ARID1B: variants seen among roughly 807,000 people sequenced by gnomAD.
ARID1B encodes the protein AT-rich interaction domain 1B, also known as AT-rich interactive domain-containing protein 1B.
In ARID1B, 30 loss-of-function variants were observed where a neutral mutation model predicts 212.3. That is an observed-to-expected ratio of 0.14 (90% CI 0.11 to 0.19). ARID1B has a LOEUF of 0.19. ARID1B is among the 10% of genes least tolerant of loss of function. The pLI, the probability that ARID1B is intolerant of heterozygous loss-of-function variation, is 1.00. For synonymous variants in ARID1B, 1,402 were observed against 1,301.7 expected, an observed-to-expected ratio of 1.08 and a Z score of -1.66; for missense variants, 2,891 against 3,204.0, an observed-to-expected ratio of 0.90 and a Z score of 2.36.
chr6:157,142,735 G>A (rs556191131), intron 7 of ARID1B, among the ~76,000 whole-genome samples: 1 of 152,288 alleles, frequency 6.6e-6, no homozygotes, highest in South Asian at 2.1e-4. Context: ...TGCATATTTA[G>A]CCCTAATTCA....
At chr6:157,152,019 G>A (rs1480236411) in intron 8 of ARID1B, 1 of 152,188 alleles carries the variant, frequency 6.6e-6, no homozygotes, top group Admixed American at 6.5e-5. Flanking sequence ...AATATAGAAT[G>A]AGGTAAACAT....
intron 15 of ARID1B, among the ~76,000 whole-genome samples, chr6:157,191,025 G>A (rs926641302): frequency 6.6e-5 from 10 of 152,136 alleles, no homozygotes; most frequent in African/African-American, 1.9e-4. Flanking sequence ...AAAGCCTTTC[G>A]GTGTCTGTGG....
At chr6:157,110,670 TTA>T in intron 6 of ARID1B, 109 bp downstream of exon 6, 1 of 1,002,478 alleles carries the variant, frequency 1.0e-6, no homozygotes, top group South Asian at 1.4e-5. Flanking sequence ...TTAAAGGATA[TTA>T]TGTTTTCTTA....
chr6:157,038,975 C>T (rs1273088060), intron 4 of ARID1B, among the ~76,000 whole-genome samples: 1 of 151,820 alleles, frequency 6.6e-6, no homozygotes, highest in East Asian at 1.9e-4. Context: ...GCGATCATGG[C>T]TCATTGCAGC....
intron 5 of ARID1B, 137 bp downstream of exon 5, chr6:157,085,042 G>T: frequency 9.1e-7 from 1 of 1,101,626 alleles, no homozygotes. Flanking sequence ...TCTCACCAAG[G>T]CATACGAGAG....
intron 6 of ARID1B, among the ~76,000 whole-genome samples, chr6:157,132,199 A>G (rs1057014414): frequency 1.3e-5 from 2 of 152,206 alleles, no homozygotes; most frequent in African/African-American, 2.4e-5. Context: ...AAGAAGTACC[A>G]TGCACGATCT....
At chr6:157,058,119 A>T (rs1783083082) in intron 4 of ARID1B, among the ~76,000 whole-genome samples, 1 of 152,316 alleles carries the variant, frequency 6.6e-6, no homozygotes, top group African/African-American at 2.4e-5. Flanking sequence ...GTCCTGTCTG[A>T]TCCTGTGGTG....
chr6:156,902,023 C>A (rs1788985348), intron 3 of ARID1B: 1 of 157,864 alleles, frequency 6.3e-6, no homozygotes, highest in African/African-American at 2.4e-5. Flanking sequence ...ATATTCACTT[C>A]AGTTGCAGTA....
chr6:156,867,879 G>A (rs288549), intron 2 of ARID1B, among the ~76,000 whole-genome samples: 129,585 of 152,252 alleles, frequency 0.85, 55,331 homozygotes, highest in African/African-American at 0.93. Context: ...GGTGGAGAAA[G>A]CAAATGTTTG....
chr6:157,082,684 G>A (rs369669559), intron 4 of ARID1B, among the ~76,000 whole-genome samples: 1 of 152,252 alleles, frequency 6.6e-6, no homozygotes, highest in East Asian at 1.9e-4. Flanking sequence ...CCGAGTAGCT[G>A]GGACCACAGG....
rs1793280422 is a variant in ARID1B at position 156,947,889 on chromosome 6, T to C, written c.2247+12313T>C. On this transcript the variant is annotated intron_variant, in intron 4 of 19. Transcript: ENST00000636930. ...TGATTTCTTAACATGCATGTATTTT[T>C]ATATATTTAATTTGATTTGGATTAT... Among the ~76,000 whole-genome samples the C allele has an allele frequency of 2.0e-5, 3 of 152,216 alleles. No homozygotes were observed. The South Asian group carries it at 6.2e-4, about 31-fold the overall frequency.
intron 4 of ARID1B, among the ~76,000 whole-genome samples, chr6:157,004,820 T>C (rs1167742732): frequency 6.6e-6 from 1 of 151,814 alleles, no homozygotes; most frequent in East Asian, 1.9e-4. Flanking sequence ...AGAAAGAATT[T>C]AATTGGTTCT....
At chr6:157,029,627 G>A (rs999388245) in intron 4 of ARID1B, among the ~76,000 whole-genome samples, 1 of 152,236 alleles carries the variant, frequency 6.6e-6, no homozygotes, top group Non-Finnish European at 1.5e-5. Context: ...GGTACGACAG[G>A]ACTGGCCATG....
intron 2 of ARID1B, among the ~76,000 whole-genome samples, chr6:156,865,976 G>A (rs1785658150): frequency 6.6e-6 from 1 of 151,782 alleles, no homozygotes; most frequent in African/African-American, 2.4e-5. Context: ...TGTTTGTTTT[G>A]GTCCCTATTT....
chr6:157,020,638 G>C (rs1184275043), intron 4 of ARID1B, among the ~76,000 whole-genome samples: 1 of 152,094 alleles, frequency 6.6e-6, no homozygotes. Flanking sequence ...CTCCTACTCA[G>C]ATCGCGAGTC....
intron 2 of ARID1B, among the ~76,000 whole-genome samples, chr6:156,857,737 G>A (rs1785049316): frequency 6.6e-6 from 1 of 152,188 alleles, no homozygotes; most frequent in Non-Finnish European, 1.5e-5. Context: ...GATATGTTCC[G>A]AGAAATGTGT....
At chr6:157,046,796 C>T (rs1291757150) in intron 4 of ARID1B, among the ~76,000 whole-genome samples, 1 of 152,150 alleles carries the variant, frequency 6.6e-6, no homozygotes, top group Non-Finnish European at 1.5e-5. Context: ...TTCCTAATTT[C>T]CTTTAGAGCT....
rs1210631219 is a variant in ARID1B, at chr6:156,907,905, CAAAA to C, written c.2136+6396_2136+6399del. On this transcript the variant is annotated intron_variant, in intron 3 of 19. Coordinates refer to ENST00000636930, the MANE Select transcript of ARID1B (RefSeq NM_001374828.1). ...CCTGGGCGACAGAGCAAGACTGTCTCAAAAAAAAAAAAAAAAAAAGAATTGAAGA... is the reference window on the plus strand; with the variant it reads ...CCTGGGCGACAGAGCAAGACTGTCTCAAAAAAAAAAAAAAAGAATTGAAGA... Among the ~76,000 whole-genome samples the C allele has an allele frequency of 6.6e-3, 490 of 74,460 alleles. 4 individuals are homozygous for C. Among genetic ancestry groups the C allele is most frequent in the African/African-American group, 0.02 (457 of 23,146 alleles). The allele number at this position is 74,460 out of a possible 152,430, so 48.8% of individuals were successfully genotyped here.
chr6:156,829,131 T>C (rs1313100232), intron 1 of ARID1B, 96 bp from the exon 2 acceptor site: 6 of 974,464 alleles, frequency 6.2e-6, no homozygotes, highest in Non-Finnish European at 9.1e-6. Flanking sequence ...AACTTAAGGA[T>C]AGTTGTGTTA....
Sources: allele counts gnomAD v4.1 joint callset (sites outside exome capture counted in the v4.1 genomes callset), GRCh38; gene constraint gnomAD v4.1.1; transcripts MANE v1.5; gene names NCBI Gene and HGNC (gene_info 2026-07-23, HGNC 2026-07-21).